The following RFX1 variants were observed in gnomAD, a reference collection of about 807,000 sequenced individuals.
RFX1 encodes regulatory factor X1, also known as MHC class II regulatory factor RFX1.
RFX1 carries 42 observed loss-of-function variants against 119.6 expected under a neutral mutation model. The ratio of observed to expected loss-of-function variants is 0.35; its 90% CI spans 0.27 to 0.45. The LOEUF (loss-of-function observed/expected upper bound fraction) is 0.45. RFX1 is among the 20% of genes least tolerant of loss of function. The pLI is 1.00. For missense variants in RFX1, 1,118 were observed against 1,368.1 expected, an observed-to-expected ratio of 0.82 and a Z score of 2.88; for synonymous variants, 628 against 618.5, an observed-to-expected ratio of 1.02 and a Z score of -0.23.
rs1034896481 is a variant in RFX1 at position 13,980,396 on chromosome 19, C to T, written c.738+177G>A. 6.6e-6 allele frequency among the ~76,000 whole-genome samples: 1 copy of T among 152,216 alleles called. No individual in the cohort carries two copies. Among genetic ancestry groups the T allele is most frequent in the Non-Finnish European group, 1.5e-5 (1 of 68,028 alleles). On this transcript the variant is annotated intron_variant, in intron 6 of 20. Coordinates refer to ENST00000254325, the MANE Select transcript of RFX1 (RefSeq NM_002918.5). The surrounding 1 kb of genome is among the most constrained non-coding windows in gnomAD (Gnocchi z 5.1). ...TCCCCGCGGCTCCCCCATCCTCTAG[C>T]CCCAGGATGCTGAGTCTGGAGACAG...
intron 4 of RFX1, chr19:13,982,969 TC>T: frequency 1.8e-6 from 1 of 561,746 alleles, no homozygotes; most frequent in Non-Finnish European, 3.2e-6. Context: ...TCTTGTTCTC[TC>T]TGCTGAGATG....
Position 13,973,054 on chromosome 19 carries a change from C to CG in RFX1, c.1002dup (p.Ala335ArgfsTer113). 1 of 1,601,782 alleles carries CG rather than the reference C, an allele frequency of 6.2e-7. No homozygotes were observed. The highest frequency in any genetic ancestry group is 8.5e-7 in the Non-Finnish European group (1 of 1,179,854). On this transcript the variant is annotated frameshift_variant, in exon 9 of 21. Coordinates refer to ENST00000254325, the MANE Select transcript of RFX1 (RefSeq NM_002918.5). LOFTEE classifies it high-confidence loss of function. ...GTGCTGACCTGGGTGGCCGTGCCTG[C>CG]GGCCTCGTAGTAGCTGGTGCTTGCC... is the stretch of plus-strand genomic sequence containing the variant.
chr19:13,975,676 C>G (rs997845457), intron 8 of RFX1, among the ~76,000 whole-genome samples: 11 of 152,226 alleles, frequency 7.2e-5, no homozygotes, highest in Non-Finnish European at 1.2e-4. Flanking sequence ...CCTGCACACC[C>G]AGCATGCAAT....
rs1354381488 is a variant in RFX1 at position 13,985,228 on chromosome 19, A to G, written c.320-1633T>C. Among the ~76,000 whole-genome samples the G allele has an allele frequency of 1.4e-5, 2 of 145,142 alleles. No homozygotes were observed. The highest frequency in any genetic ancestry group is 2.0e-4 in the East Asian group (1 of 4,938). ...AGGGTCTCACAGTTGCCCAGGCTGG[A>G]GTGCAGTGGCGCAATCTCTGCTCAC... On this transcript the variant is annotated intron_variant, in intron 2 of 20. Coordinates refer to ENST00000254325, the MANE Select transcript of RFX1 (RefSeq NM_002918.5). This position sits in a 1 kb window ranked among gnomAD's most constrained non-coding sequence, Gnocchi z 4.3.
At position 13,973,549 on chromosome 19, in the gene RFX1, T is replaced by C. The variant is rs76186598; in HGVS notation, c.930-422A>G. Among the ~76,000 whole-genome samples, 833 of 152,148 alleles carry C rather than the reference T, an allele frequency of 5.5e-3. 12 individuals are homozygous for C. Among genetic ancestry groups the C allele is most frequent in the African/African-American group, 0.019 (791 of 41,524 alleles). On this transcript the variant is annotated intron_variant, in intron 8 of 20. Coordinates refer to ENST00000254325, the MANE Select transcript of RFX1 (RefSeq NM_002918.5). ...ATCCCTTGAGTCCAGGAGTTCAAGG[T>C]TGTAGTGAGCTATAACCATACTACC...
In RFX1 at chr19:13,976,951, G is replaced by A. The variant is rs1005068109; in HGVS notation, c.929+1041C>T. On this transcript the variant is annotated intron_variant, in intron 8 of 20. Transcript: ENST00000254325. The stretch of plus-strand genomic sequence containing the variant: ...CCGTGAGCTGCAGTGAGCCCTGATC[G>A]CGCCACTGCTCTCTGGCCTGGGCGA... Among the ~76,000 whole-genome samples the A allele has an allele frequency of 3.3e-5, 5 of 150,954 alleles. 1 individual carries two copies. Among genetic ancestry groups the A allele is most frequent in the African/African-American group, 7.3e-5 (3 of 40,900 alleles).
intron 7 of RFX1, among the ~76,000 whole-genome samples, chr19:13,979,077 G>A (rs1974347904): frequency 1.3e-5 from 2 of 151,948 alleles, no homozygotes; most frequent in South Asian, 4.1e-4. Context: ...GACTGCCTGA[G>A]CTCTGGAGGA....
rs771647665 is a variant in RFX1, at chr19:13,979,487, A to G, written c.794T>C (p.Leu265Pro). 1.9e-6 allele frequency: 3 copies of G among 1,601,716 alleles called. No individual in the cohort carries two copies. The highest frequency in any genetic ancestry group is 2.6e-6 in the Non-Finnish European group (3 of 1,173,432). The change falls in exon 7 of 21, where the codon CTG becomes CCG. Residue 265 changes from leucine (L) to proline (P), a missense_variant. Transcript: ENST00000254325. Reference sequence around the variant, plus strand: ...GACTGGCTGGAGGCCCTGCACGGTCAGCGGCTGCACCGGGCCGGGTTTGGG... The same window carrying G: ...GACTGGCTGGAGGCCCTGCACGGTCGGCGGCTGCACCGGGCCGGGTTTGGG... ...QAPKPGPVQP[L>P]TVQGLQPVHV... is the part of the protein sequence containing the mutation.
In RFX1 at chr19:13,963,564, G is replaced by C. The variant is rs146122826; in HGVS notation, c.2544C>G (p.Leu848=). ...TGTAGAAGGACCACTTGAGGAGGAA[G>C]AGCTTGGCGGCCTTGGGGAAGCCGG... The part of the protein sequence containing the change: ...GSAGFPKAAK[L]FLLKWSFYSS... Residue 848 remains leucine (L), a synonymous_variant, in exon 18 of 21, where the codon CTC becomes CTG. Transcript: ENST00000254325. 1 of 1,604,902 alleles carries C rather than the reference G, an allele frequency of 6.2e-7. No homozygotes were observed. The highest frequency in any genetic ancestry group is 1.7e-5 in the Admixed American group (1 of 59,904).
intron 12 of RFX1, among the ~76,000 whole-genome samples, chr19:13,967,981 T>C (rs1001876363): frequency 6.6e-6 from 1 of 151,970 alleles, no homozygotes; most frequent in Non-Finnish European, 1.5e-5. Context: ...ATGCCGGGCA[T>C]GGTGGCTCAT....
At chr19:13,978,699 G>C (rs1047321714) in intron 7 of RFX1, among the ~76,000 whole-genome samples, 1 of 151,852 alleles carries the variant, frequency 6.6e-6, no homozygotes, top group Non-Finnish European at 1.5e-5. Context: ...CAGACTGGGC[G>C]CCCCCGCCCC....
At chr19:13,996,967 G>A (rs898880626) in intron 1 of RFX1, among the ~76,000 whole-genome samples, 1 of 152,014 alleles carries the variant, frequency 6.6e-6, no homozygotes, top group African/African-American at 2.4e-5. Context: ...CAAGTAATCC[G>A]CCCACCTCGG....
chr19:13,975,583 C>T (rs1347760990), intron 8 of RFX1, among the ~76,000 whole-genome samples: 1 of 152,148 alleles, frequency 6.6e-6, no homozygotes, highest in Non-Finnish European at 1.5e-5. Context: ...TGCCCTATGT[C>T]TACCACACAA....
intron 7 of RFX1, among the ~76,000 whole-genome samples, chr19:13,978,516 G>C (rs1344993770): frequency 1.3e-5 from 2 of 152,212 alleles, no homozygotes; most frequent in Admixed American, 6.5e-5. Flanking sequence ...TGGAATCACT[G>C]ACAGGGCCTT....
intron 8 of RFX1, among the ~76,000 whole-genome samples, chr19:13,976,436 A>AG (rs1974255233): frequency 6.6e-6 from 1 of 152,214 alleles, no homozygotes; most frequent in Admixed American, 6.5e-5. Context: ...ACCCCCGGCG[A>AG]GGAGCCCGAG....
chr19:13,981,753 G>T (rs1974435733), intron 5 of RFX1, among the ~76,000 whole-genome samples: 1 of 152,208 alleles, frequency 6.6e-6, no homozygotes, highest in African/African-American at 2.4e-5. Flanking sequence ...TCTACCCTGT[G>T]GTCCAAGGCT....
chr19:13,980,657 G>A lies in RFX1; in HGVS notation c.654C>T (p.Ser218=). ...QSPVQANSSS[S]KTAGAPTGTV... ...TGCCCGTGGGGGCCCCGGCTGTCTT[G>A]CTGGAAGAGCTGTTGGCCTGCACCG... The change falls in exon 6 of 21, where the codon AGC becomes AGT. Residue 218 remains serine (S), a synonymous_variant. Transcript: ENST00000254325. The surrounding 1 kb of genome is among the most constrained non-coding windows in gnomAD (Gnocchi z 5.1). 1 of 1,592,722 alleles carries A rather than the reference G, an allele frequency of 6.3e-7. No individual in the cohort carries two copies. The highest frequency in any genetic ancestry group is 2.2e-5 in the East Asian group (1 of 44,518).
chr19:13,972,724 C>A lies in RFX1; in HGVS notation c.1314+19G>T. On this transcript the variant is annotated intron_variant, in intron 9 of 20. Coordinates refer to ENST00000254325, the MANE Select transcript of RFX1 (RefSeq NM_002918.5). ...CCACCACTGCCTGCCTCCTCTGGGG[C>A]CCGCGTTGGGGCACTTACCGTGGCT... The A allele has an allele frequency of 6.4e-7, 1 of 1,567,570 alleles. No homozygotes were observed. Among genetic ancestry groups the A allele is most frequent in the South Asian group, 1.2e-5 (1 of 84,262 alleles).
chr19:13,968,530 G>A lies in RFX1; in HGVS notation c.1732+35C>T, dbSNP rs200098825. The A allele has an allele frequency of 2.7e-5, 41 of 1,528,516 alleles. No individual in the cohort carries two copies. The highest frequency in any genetic ancestry group is 7.8e-5 in the South Asian group (7 of 89,418). 94.7% of individuals were successfully genotyped at this position (1,528,516 alleles called of 1,614,324 possible). ...AACCGTCTGCACGGGGCAGGGAGGC[G>A]GTGGTTGGGGAAGCACGGGCCAGGG... On this transcript the variant is annotated intron_variant, in intron 12 of 20. Coordinates refer to ENST00000254325, the MANE Select transcript of RFX1 (RefSeq NM_002918.5). The surrounding 1 kb of genome is among the most constrained non-coding windows in gnomAD (Gnocchi z 5.5).
Sources: allele counts gnomAD v4.1 joint callset (sites outside exome capture counted in the v4.1 genomes callset), GRCh38; gene constraint gnomAD v4.1.1; non-coding constraint Gnocchi (gnomAD v3.1); transcripts MANE v1.5; gene names NCBI Gene and HGNC (gene_info 2026-07-23, HGNC 2026-07-21).